The following FGF13 variants were observed in gnomAD, a reference collection of about 807,000 sequenced individuals.
FGF13 encodes fibroblast growth factor 13, also known as fibroblast growth factor homologous factor 2.
In FGF13, 2 loss-of-function variants were observed where a neutral mutation model predicts 19.5. That is an observed-to-expected ratio of 0.10 (90% CI 0.04 to 0.32). The LOEUF (loss-of-function observed/expected upper bound fraction) is 0.32. FGF13 is among the 10% of genes least tolerant of loss of function. The pLI is 1.00. For missense variants in FGF13, 113 were observed against 192.7 expected (o/e 0.59, Z 2.45); for synonymous variants, 72 against 76.9 (o/e 0.94, Z 0.33).
chrX:138,730,575 G>A (rs1409755854), intron 1 of FGF13, among the ~76,000 whole-genome samples: 1 of 111,037 alleles, frequency 9.0e-6, no homozygotes, highest in Non-Finnish European at 1.9e-5. Flanking sequence ...GATGCATATT[G>A]TAATCTTGAG....
At chrX:139,145,746 T>A (rs1042197041) in intron 1 of FGF13, among the ~76,000 whole-genome samples, 6 of 110,842 alleles carry the variant, frequency 5.4e-5, no homozygotes, top group African/African-American at 2.0e-4. Flanking sequence ...AATGTCATCA[T>A]CCCTAAAAAG....
intron 1 of FGF13, among the ~76,000 whole-genome samples, chrX:138,871,533 T>C (rs1372942322): frequency 5.3e-5 from 6 of 112,268 alleles, no homozygotes; most frequent in Non-Finnish European, 9.4e-5. Flanking sequence ...TCCACCTAAG[T>C]GAGAAATAAC....
chrX:138,731,956 T>C (rs998831564), intron 1 of FGF13, among the ~76,000 whole-genome samples: 4 of 111,722 alleles, frequency 3.6e-5, no homozygotes, highest in Non-Finnish European at 7.6e-5. Flanking sequence ...TTAAAGAATA[T>C]GTACAAATTA....
rs147292007 is a variant in FGF13 at position 139,042,561 on chromosome X, T to C, written c.-113+160855A>G. ...AGTGTATGTTGTCTAGCTATTAACA[T>C]GCATTTATGTAAAAAAAATTTGATT... On this transcript the variant is annotated intron_variant, in intron 1 of 2. Coordinates refer to the FGF13 transcript ENST00000421460. Among the ~76,000 whole-genome samples, 6 of 81,582 alleles carry C rather than the reference T, an allele frequency of 7.4e-5. No homozygotes were observed. In the South Asian group the frequency reaches 2.8e-3, roughly 38 times the overall value. The allele number at this position is 81,582 out of a possible 115,157, so 70.8% of individuals were successfully genotyped here. A position where few individuals can be genotyped will look rare whatever the true frequency, so the allele number is the denominator to read the frequency against.
intron 3 of FGF13, among the ~76,000 whole-genome samples, chrX:138,701,425 T>A (rs765824261): frequency 8.9e-6 from 1 of 112,153 alleles, no homozygotes; most frequent in Non-Finnish European, 1.9e-5. Context: ...TAAAATAAAA[T>A]CCCCTTTCCT....
At chrX:138,986,086 G>T (rs2091993605) in intron 1 of FGF13, among the ~76,000 whole-genome samples, 1 of 111,950 alleles carries the variant, frequency 8.9e-6, no homozygotes, top group Non-Finnish European at 1.9e-5. Flanking sequence ...TCATTTGACA[G>T]ATGAAGAACT....
intron 3 of FGF13, among the ~76,000 whole-genome samples, chrX:138,672,439 T>C (rs1321379048): frequency 9.0e-6 from 1 of 111,492 alleles, no homozygotes; most frequent in African/African-American, 3.3e-5. Context: ...TTGTGGTGCA[T>C]TGATGTGTCA....
At chrX:138,643,481 G>A (rs749117019) in intron 3 of FGF13, among the ~76,000 whole-genome samples, 5 of 112,075 alleles carry the variant, frequency 4.5e-5, no homozygotes, top group South Asian at 7.5e-4. Context: ...GTTGAGACTC[G>A]TGACAAAGAA....
At chrX:138,747,148 A>T (rs1392310690) in intron 3 of FGF13, among the ~76,000 whole-genome samples, 1 of 111,412 alleles carries the variant, frequency 9.0e-6, no homozygotes, top group African/African-American at 3.3e-5. Flanking sequence ...ATTCTAAGTC[A>T]GTCAAGAAAA....
intron 3 of FGF13, among the ~76,000 whole-genome samples, chrX:138,838,111 C>T (rs2091125316): frequency 8.9e-6 from 1 of 111,864 alleles, no homozygotes; most frequent in African/African-American, 3.2e-5. Flanking sequence ...CCACCCTTCC[C>T]CCAGAAAGCT....
At chrX:139,078,323 A>G (rs2083346160) in intron 1 of FGF13, among the ~76,000 whole-genome samples, 1 of 110,542 alleles carries the variant, frequency 9.0e-6, no homozygotes, top group Admixed American at 9.8e-5. Flanking sequence ...TGCCCTAAAC[A>G]ATCTGTCACC....
intron 1 of FGF13, among the ~76,000 whole-genome samples, chrX:138,719,022 ACT>A (rs773639448): frequency 8.9e-6 from 1 of 112,247 alleles, no homozygotes; most frequent in East Asian, 2.8e-4. Flanking sequence ...AAGTGATATG[ACT>A]CTGGTTTCCT....
intron 3 of FGF13, among the ~76,000 whole-genome samples, chrX:138,643,496 G>C (rs770808812): frequency 8.9e-6 from 1 of 112,185 alleles, no homozygotes; most frequent in African/African-American, 3.2e-5. Context: ...AAAGAAGAGA[G>C]ATAGGCCATA....
intron 1 of FGF13, among the ~76,000 whole-genome samples, chrX:139,081,980 C>T (rs1421856458): frequency 9.0e-6 from 1 of 111,580 alleles, no homozygotes; most frequent in Non-Finnish European, 1.9e-5. Context: ...CAATCTCCTG[C>T]TCAAAAGTTT....
intron 1 of FGF13, among the ~76,000 whole-genome samples, chrX:139,117,905 C>G (rs1272139404): frequency 1.8e-5 from 2 of 111,536 alleles, no homozygotes; most frequent in Non-Finnish European, 3.8e-5. Context: ...ATATTATCTC[C>G]TTGGTACAAG....
chrX:139,047,939 A>G (rs752403677), intron 1 of FGF13, among the ~76,000 whole-genome samples: 1 of 111,397 alleles, frequency 9.0e-6, no homozygotes. Flanking sequence ...GAGTATTTTT[A>G]TATTAGTAAC....
intron 1 of FGF13, among the ~76,000 whole-genome samples, chrX:138,954,094 A>G (rs865987853): frequency 7.5e-5 from 2 of 26,651 alleles, no homozygotes; most frequent in South Asian, 3.3e-3. Flanking sequence ...TGTAAATTTA[A>G]CGAGAGAGAG....
rs966587641 is a variant in FGF13 at position 138,628,931 on chromosome X, T to TAA, written c.*3917_*3918dup. 1.8e-5 allele frequency: 2 copies of TAA among 112,091 alleles called. No individual in the cohort carries two copies. The highest frequency in any genetic ancestry group is 3.2e-5 in the African/African-American group (1 of 30,841). 9.2% of individuals were successfully genotyped at this position (112,091 alleles called of 1,213,427 possible). On this transcript the variant is annotated 3_prime_UTR_variant, in exon 5 of 5. Transcript: ENST00000315930. Reference sequence around the variant, plus strand: ...GGGGAATTGGAGCCTGTTTTGCTTTTAAAAAGTTGCAAAAAGCCTGAAGAA... The same window carrying TAA: ...GGGGAATTGGAGCCTGTTTTGCTTTTAAAAAAAGTTGCAAAAAGCCTGAAGAA...
chrX:138,853,844 A>G (rs1436359907), downstream of FGF13, among the ~76,000 whole-genome samples: 4 of 111,464 alleles, frequency 3.6e-5, no homozygotes, highest in African/African-American at 1.3e-4. Context: ...TTCCAACACT[A>G]TCTACTTGCA....
Sources: allele counts gnomAD v4.1 joint callset (sites outside exome capture counted in the v4.1 genomes callset), GRCh38; gene constraint gnomAD v4.1.1; transcripts MANE v1.5; gene names NCBI Gene and HGNC (gene_info 2026-07-23, HGNC 2026-07-21).